The following LRRC7 variants were observed in gnomAD, a reference collection of about 807,000 sequenced individuals.
LRRC7 encodes the protein leucine-rich repeat-containing protein 7.
Under a neutral mutation model 175.7 loss-of-function variants are expected in LRRC7, and 23 were observed. That is an observed-to-expected ratio of 0.13 (90% CI 0.09 to 0.19). LRRC7 has a LOEUF of 0.19. LRRC7 is among the 10% of genes least tolerant of loss of function. The probability of loss-of-function intolerance (pLI) is 1.00; values close to 1 mark genes in which losing one functional copy is unlikely to be tolerated. For missense variants in LRRC7, 1,354 were observed against 1,904.7 expected (o/e 0.71, Z 5.38); for synonymous variants, 685 against 680.9 (o/e 1.01, Z -0.09).
intron 4 of LRRC7, among the ~76,000 whole-genome samples, chr1:69,801,562 T>C (rs1432125794): frequency 1.3e-5 from 2 of 151,768 alleles, no homozygotes; most frequent in African/African-American, 4.8e-5. Context: ...AGTTATCATG[T>C]CTCCTTTTTT....
At chr1:69,972,005 A>C (rs1186125767) in intron 8 of LRRC7, among the ~76,000 whole-genome samples, 2 of 152,202 alleles carry the variant, frequency 1.3e-5, no homozygotes, top group East Asian at 1.9e-4. Context: ...CAAAGCAAAC[A>C]AAAAGGTAAA....
At chr1:70,062,973 G>A (rs1353300477) in intron 23 of LRRC7, among the ~76,000 whole-genome samples, 4 of 151,992 alleles carry the variant, frequency 2.6e-5, no homozygotes, top group Non-Finnish European at 5.9e-5. Flanking sequence ...TTAATTTACA[G>A]TCACTTTTGT....
chr1:69,768,446 A>C (rs1175241628), intron 3 of LRRC7, among the ~76,000 whole-genome samples: 1 of 152,142 alleles, frequency 6.6e-6, no homozygotes, highest in African/African-American at 2.4e-5. Context: ...AACACCCACT[A>C]TCACCACCAC....
intron 23 of LRRC7, among the ~76,000 whole-genome samples, chr1:70,064,915 T>G (rs1661856331): frequency 6.6e-6 from 1 of 152,008 alleles, no homozygotes; most frequent in African/African-American, 2.4e-5. Context: ...AAAGTTCTCT[T>G]AAGCACTAGA....
rs907383608 is a variant in LRRC7, at chr1:69,719,711, A to G, written c.101-40480A>G. On this transcript the variant is annotated intron_variant, in intron 2 of 26. Coordinates refer to ENST00000651989, the MANE Select transcript of LRRC7 (RefSeq NM_001370785.2). ...AAAAATGGCTTTATTGTTTTATTTC[A>G]GGTGATATAAATAATTCATGTATAT... is the stretch of plus-strand genomic sequence containing the variant. Among the ~76,000 whole-genome samples, 8 of 151,674 alleles carry G rather than the reference A, an allele frequency of 5.3e-5. No individual in the cohort carries two copies. The East Asian group carries it at 1.5e-3, about 29-fold the overall frequency.
At chr1:69,764,596 A>T (rs1671396173) in intron 3 of LRRC7, among the ~76,000 whole-genome samples, 1 of 152,010 alleles carries the variant, frequency 6.6e-6, no homozygotes, top group Non-Finnish European at 1.5e-5. Context: ...ATCTGGAATT[A>T]TATCCTAGCA....
chr1:70,058,946 C>T (rs1661364878), intron 23 of LRRC7, among the ~76,000 whole-genome samples: 1 of 150,620 alleles, frequency 6.6e-6, no homozygotes, highest in Admixed American at 6.6e-5. Flanking sequence ...ATTGAATATC[C>T]ATAAAATGTT....
rs1667085295 is a variant in LRRC7, at chr1:70,142,123, TC to T, written c.*20239del. ...TCTCAGGCAGACAACATAAAGCAGC[TC>T]CCATATCTGCTAGAAAGGTCATTAA... is the stretch of plus-strand genomic sequence containing the variant. On this transcript the variant is annotated 3_prime_UTR_variant, in exon 27 of 27. Transcript: ENST00000651989. 1 of 152,102 alleles carries T rather than the reference TC, an allele frequency of 6.6e-6. No homozygotes were observed. Among genetic ancestry groups the T allele is most frequent in the African/African-American group, 2.4e-5 (1 of 41,448 alleles). The allele number at this position is 152,102 out of a possible 1,614,324, so 9.4% of individuals were successfully genotyped here.
intron 3 of LRRC7, among the ~76,000 whole-genome samples, chr1:69,786,393 C>T (rs1674421602): frequency 6.6e-6 from 1 of 151,158 alleles, no homozygotes; most frequent in Admixed American, 6.6e-5. Context: ...CCCTTCATTC[C>T]TTTGCTATTC....
intron 23 of LRRC7, among the ~76,000 whole-genome samples, chr1:70,060,284 A>G (rs774628610): frequency 3.9e-5 from 6 of 152,098 alleles, no homozygotes; most frequent in Non-Finnish European, 7.4e-5. Flanking sequence ...AGATCATGCC[A>G]CTGCACTCCA....
intron 2 of LRRC7, among the ~76,000 whole-genome samples, chr1:69,680,644 AC>A (rs1660358876): frequency 6.6e-6 from 1 of 150,842 alleles, no homozygotes; most frequent in Non-Finnish European, 1.5e-5. Context: ...TCTGTGACAG[AC>A]TAGTGTGAAT....
At chr1:70,118,342 C>CAAA (rs201164918) in intron 26 of LRRC7, among the ~76,000 whole-genome samples, 8 of 140,624 alleles carry the variant, frequency 5.7e-5, no homozygotes, top group African/African-American at 2.1e-4. Context: ...TCCTTCCACT[C>CAAA]AAAAAAAAAA....
At position 69,646,729 on chromosome 1, in the gene LRRC7, T is replaced by A. The variant is rs189193042; in HGVS notation, c.3-31652T>A. Among the ~76,000 whole-genome samples the A allele has an allele frequency of 5.0e-4, 76 of 152,254 alleles. 1 individual carries two copies. The highest frequency in any genetic ancestry group is 3.8e-3 in the Admixed American group (58 of 15,272). Reference sequence around the variant, plus strand: ...ACTCCTTGGTTCTGAAAAATCTGTATCAATTTAAAACCAGTGCAGCCGAAC... The same window carrying A: ...ACTCCTTGGTTCTGAAAAATCTGTAACAATTTAAAACCAGTGCAGCCGAAC... On this transcript the variant is annotated intron_variant, in intron 1 of 26. Coordinates refer to ENST00000651989, the MANE Select transcript of LRRC7 (RefSeq NM_001370785.2).
At chr1:69,938,692 C>T (rs1648303617) in intron 8 of LRRC7, among the ~76,000 whole-genome samples, 1 of 151,824 alleles carries the variant, frequency 6.6e-6, no homozygotes, top group Admixed American at 6.6e-5. Flanking sequence ...AATAGTCTCA[C>T]CTCCCTAGTT....
intron 2 of LRRC7, among the ~76,000 whole-genome samples, chr1:69,705,624 G>A (rs1406832112): frequency 6.6e-6 from 1 of 152,256 alleles, no homozygotes; most frequent in East Asian, 1.9e-4. Flanking sequence ...AGAGTGGTAA[G>A]TGAGGATGGT....
chr1:69,641,851 T>C (rs1654264319), intron 1 of LRRC7, among the ~76,000 whole-genome samples: 1 of 151,826 alleles, frequency 6.6e-6, no homozygotes, highest in Non-Finnish European at 1.5e-5. Context: ...TGGTGACATA[T>C]GCCTGTATCT....
chr1:70,127,627 G>T lies in LRRC7; in HGVS notation c.*5740G>T, dbSNP rs1369146360. ...CATGCTCTTTGTAACAACACACTGA[G>T]CACTAAGCAATGTAAGAAATGGGCC... is the stretch of plus-strand genomic sequence containing the variant. On this transcript the variant is annotated 3_prime_UTR_variant, in exon 27 of 27. Coordinates refer to ENST00000651989, the MANE Select transcript of LRRC7 (RefSeq NM_001370785.2). 4.6e-5 allele frequency among the ~76,000 whole-genome samples: 7 copies of T among 152,190 alleles called. No homozygotes were observed. The highest frequency in any genetic ancestry group is 4.6e-4 in the Admixed American group (7 of 15,280).
chr1:70,033,444 A>C (rs1430870721), intron 18 of LRRC7, among the ~76,000 whole-genome samples: 2 of 152,206 alleles, frequency 1.3e-5, no homozygotes, highest in East Asian at 1.9e-4. Context: ...CATTGTCGTC[A>C]TTATCATCAT....
intron 3 of LRRC7, among the ~76,000 whole-genome samples, chr1:69,784,363 G>T (rs965387442): frequency 6.6e-6 from 1 of 152,006 alleles, no homozygotes; most frequent in Non-Finnish European, 1.5e-5. Flanking sequence ...TGAGAAATAT[G>T]GGTCTTAGTT....
Sources: allele counts gnomAD v4.1 joint callset (sites outside exome capture counted in the v4.1 genomes callset), GRCh38; gene constraint gnomAD v4.1.1; transcripts MANE v1.5; gene names NCBI Gene and HGNC (gene_info 2026-07-23, HGNC 2026-07-21).